The following RANBP2 variants were observed in gnomAD, a reference collection of about 807,000 sequenced individuals.
The protein encoded by RANBP2 is E3 SUMO-protein ligase RanBP2.
A neutral mutation model predicts 303.6 loss-of-function variants in RANBP2; 57 were observed. That is an observed-to-expected ratio of 0.19 (90% CI 0.15 to 0.23). The LOEUF (loss-of-function observed/expected upper bound fraction) is 0.23, where lower values mean the gene tolerates loss of function less well. Among genes scored for constraint, RANBP2 ranks in the 10% least tolerant of loss-of-function variants. The probability of loss-of-function intolerance (pLI) is 1.00; values close to 1 mark genes in which losing one functional copy is unlikely to be tolerated. For missense variants in RANBP2, 3,138 were observed against 3,780.8 expected (o/e 0.83, Z 4.46); for synonymous variants, 1,167 against 1,301.5 (o/e 0.90, Z 2.23).
At chr2:109,039,422 T>C in the RANBP2 span, among the ~76,000 whole-genome samples, 138,810 of 152,274 alleles carry the variant, frequency 0.91, 64,674 homozygotes, top group East Asian at 1. Context: ...GCGATCTCAG[T>C]TCACTGCAGC....
At chr2:108,773,720 C>T (rs968486156) in intron 23 of RANBP2, among the ~76,000 whole-genome samples, 2 of 151,528 alleles carry the variant, frequency 1.3e-5, no homozygotes, top group South Asian at 2.1e-4. Context: ...GATCTCTGCT[C>T]GCTGCAACCT....
At chr2:108,726,321 A>G (rs896903633) in intron 1 of RANBP2, among the ~76,000 whole-genome samples, 6 of 152,170 alleles carry the variant, frequency 3.9e-5, no homozygotes, top group Admixed American at 6.5e-5. Context: ...CTTGTGTTCA[A>G]GTAACCTTTA....
chr2:109,537,839 T>C, the RANBP2 span, among the ~76,000 whole-genome samples: 1 of 143,756 alleles, frequency 7.0e-6, no homozygotes, highest in Admixed American at 6.9e-5. Context: ...CTCCAGCTAC[T>C]TGGGAGGCTG....
At chr2:109,714,536 G>A in the RANBP2 span, among the ~76,000 whole-genome samples, 6 of 152,022 alleles carry the variant, frequency 3.9e-5, no homozygotes, top group Non-Finnish European at 5.9e-5. Flanking sequence ...TCTTGACCTC[G>A]TAATCTGCCT....
the RANBP2 span, among the ~76,000 whole-genome samples, chr2:109,640,281 G>A: frequency 0.061 from 9,246 of 151,772 alleles, 957 homozygotes; most frequent in African/African-American, 0.21. Context: ...GCGAAATCCC[G>A]TCTCTACTAA....
the RANBP2 span, among the ~76,000 whole-genome samples, chr2:108,809,062 T>G: frequency 2.6e-5 from 4 of 152,208 alleles, no homozygotes; most frequent in African/African-American, 9.7e-5. Flanking sequence ...GCATGATTTG[T>G]TGAGGAGACT....
the RANBP2 span, among the ~76,000 whole-genome samples, chr2:109,489,428 G>A: frequency 2.0e-5 from 3 of 152,350 alleles, no homozygotes; most frequent in African/African-American, 4.8e-5. Context: ...AGACCCCAGC[G>A]TGGCTTGGGC....
At chr2:109,047,392 T>G in the RANBP2 span, among the ~76,000 whole-genome samples, 3 of 152,338 alleles carry the variant, frequency 2.0e-5, no homozygotes, top group East Asian at 3.9e-4. Context: ...TAAACCTCTG[T>G]GCACTCTGCA....
chr2:109,634,151 A>C, the RANBP2 span, among the ~76,000 whole-genome samples: 1 of 150,786 alleles, frequency 6.6e-6, no homozygotes, highest in Non-Finnish European at 1.5e-5. Context: ...AAAAAAGAAA[A>C]GAAAAAGATA....
At chr2:109,730,937 C>T in the RANBP2 span, among the ~76,000 whole-genome samples, 5 of 151,850 alleles carry the variant, frequency 3.3e-5, no homozygotes, top group Admixed American at 3.3e-4. Flanking sequence ...TACAGGCATG[C>T]ACCACCATGC....
the RANBP2 span, among the ~76,000 whole-genome samples, chr2:108,853,957 TA>T: frequency 2.5e-5 from 3 of 120,502 alleles, no homozygotes; most frequent in African/African-American, 9.6e-5. Context: ...ACAATAAATA[TA>T]TATAATAAAA....
chr2:109,232,728 A>G, the RANBP2 span, among the ~76,000 whole-genome samples: 1 of 152,364 alleles, frequency 6.6e-6, no homozygotes, highest in East Asian at 1.9e-4. Context: ...TGATGGAACC[A>G]GGAGCTCTAT....
the RANBP2 span, among the ~76,000 whole-genome samples, chr2:109,575,434 A>T: frequency 0.065 from 9,824 of 152,272 alleles, 752 homozygotes; most frequent in East Asian, 0.24. Flanking sequence ...ATTTTTATTT[A>T]ATTATAAACA....
the RANBP2 span, among the ~76,000 whole-genome samples, chr2:109,339,533 A>T: frequency 6.6e-6 from 1 of 152,112 alleles, no homozygotes; most frequent in South Asian, 2.1e-4. Context: ...GGCCGGTGGA[A>T]AGGTGGTAGA....
At chr2:109,382,196 C>A in the RANBP2 span, among the ~76,000 whole-genome samples, 1 of 152,200 alleles carries the variant, frequency 6.6e-6, no homozygotes, top group East Asian at 1.9e-4. Context: ...TTCTTTGTAG[C>A]CCAGGAATTT....
chr2:109,344,935 T>C, the RANBP2 span, among the ~76,000 whole-genome samples: 22 of 152,054 alleles, frequency 1.4e-4, no homozygotes, highest in African/African-American at 5.3e-4. Flanking sequence ...CACAGGTTGA[T>C]TTGAGAGCCA....
the RANBP2 span, among the ~76,000 whole-genome samples, chr2:109,641,936 G>C: frequency 7.2e-5 from 11 of 152,180 alleles, no homozygotes; most frequent in African/African-American, 2.7e-4. Context: ...CTCCCCAGTA[G>C]CTGGGATTAC....
At chr2:109,447,193 G>GA in the RANBP2 span, among the ~76,000 whole-genome samples, 66 of 120,550 alleles carry the variant, frequency 5.5e-4, no homozygotes, top group African/African-American at 6.9e-4. Flanking sequence ...AAAGAAAACA[G>GA]AAAAAAAAAA....
chr2:109,571,695 A>G, the RANBP2 span, among the ~76,000 whole-genome samples: 1 of 152,210 alleles, frequency 6.6e-6, no homozygotes, highest in Non-Finnish European at 1.5e-5. Context: ...AAGGAATTTC[A>G]GCATCCTCAG....
Sources: allele counts gnomAD v4.1 joint callset (sites outside exome capture counted in the v4.1 genomes callset), GRCh38; gene constraint gnomAD v4.1.1; transcripts MANE v1.5; gene names NCBI Gene and HGNC (gene_info 2026-07-23, HGNC 2026-07-21).